COL5A2: variants seen among roughly 807,000 people sequenced by gnomAD.
COL5A2 encodes the protein collagen type V alpha 2 chain, also known as collagen alpha-2(V) chain.
Under a neutral mutation model 208.2 loss-of-function variants are expected in COL5A2, and 23 were observed. That is an observed-to-expected ratio of 0.11 (90% CI 0.08 to 0.16). The LOEUF (loss-of-function observed/expected upper bound fraction) is 0.16, where lower values mean the gene tolerates loss of function less well. Ranked by LOEUF, COL5A2 falls within the 10% of genes least tolerant of loss-of-function variation. COL5A2 has a pLI of 1.00. For missense variants in COL5A2, 1,590 were observed against 1,956.4 expected (o/e 0.81, Z 3.53); for synonymous variants, 625 against 628.5 (o/e 0.99, Z 0.08).
chr2:189,039,333 C>T lies in COL5A2; in HGVS notation c.3864G>A (p.Ser1288=), dbSNP rs754605516. ...CACACGTGCGGGCTGGGTGCTTTTTCGAGCCATCGGGGCTGCGCATGGTTT... is the reference window on the plus strand; with the variant it reads ...CACACGTGCGGGCTGGGTGCTTTTTTGAGCCATCGGGGCTGCGCATGGTTT... ...QIETMRSPDG[S]KKHPARTCDD... Residue 1288 remains serine, a synonymous_variant, in exon 51 of 54, where the codon TCG becomes TCA. Coordinates refer to ENST00000374866, the MANE Select transcript of COL5A2 (RefSeq NM_000393.5). The T allele has an allele frequency of 1.3e-5, 21 of 1,613,948 alleles. No homozygotes were observed. Among genetic ancestry groups the T allele is most frequent in the Admixed American group, 1.0e-4 (6 of 59,992 alleles).
chr2:189,160,358 A>G (rs1688335394), intron 1 of COL5A2, among the ~76,000 whole-genome samples: 1 of 152,216 alleles, frequency 6.6e-6, no homozygotes, highest in Non-Finnish European at 1.5e-5. Context: ...GCCAACTCAG[A>G]AAACCCTGAC....
chr2:189,066,101 T>G (rs1479602680), intron 23 of COL5A2, among the ~76,000 whole-genome samples: 1 of 152,238 alleles, frequency 6.6e-6, no homozygotes, highest in Admixed American at 6.5e-5. Context: ...AATAAACAAC[T>G]ATTTACTAGT....
the COL5A2 span, among the ~76,000 whole-genome samples, chr2:189,344,582 C>G: frequency 6.6e-6 from 1 of 152,148 alleles, no homozygotes; most frequent in Non-Finnish European, 1.5e-5. Flanking sequence ...CCAAGAATAT[C>G]TAAACTGAAA....
intron 1 of COL5A2, among the ~76,000 whole-genome samples, chr2:189,191,904 A>G (rs1559142321): frequency 2.6e-5 from 4 of 152,096 alleles, no homozygotes; most frequent in Non-Finnish European, 4.4e-5. Context: ...AAAAAAAAAA[A>G]AGCACTTCTA....
the COL5A2 span, among the ~76,000 whole-genome samples, chr2:189,375,287 G>A: frequency 3.3e-5 from 5 of 152,068 alleles, no homozygotes; most frequent in African/African-American, 9.7e-5. Context: ...AAACTGCTGG[G>A]ATTACAGGCA....
the COL5A2 span, among the ~76,000 whole-genome samples, chr2:189,403,823 A>G: frequency 6.6e-6 from 1 of 152,096 alleles, no homozygotes; most frequent in Non-Finnish European, 1.5e-5. Flanking sequence ...GTTTGCCAGT[A>G]TTTTGTTCAA....
At chr2:189,053,305 T>C in intron 38 of COL5A2, 119 bp downstream of exon 38, 1 of 917,910 alleles carries the variant, frequency 1.1e-6, no homozygotes, top group Non-Finnish European at 1.7e-6. Flanking sequence ...AATGAGAATA[T>C]TGTCTAGAAA....
the COL5A2 span, among the ~76,000 whole-genome samples, chr2:189,287,044 C>A: frequency 6.6e-6 from 1 of 152,064 alleles, no homozygotes; most frequent in Non-Finnish European, 1.5e-5. Flanking sequence ...ACTTTTGAGA[C>A]AACCTGCCCA....
At chr2:189,317,104 T>C in the COL5A2 span, among the ~76,000 whole-genome samples, 938 of 152,194 alleles carry the variant, frequency 6.2e-3, 3 homozygotes, top group Non-Finnish European at 9.3e-3. Context: ...GCCAAAGGTA[T>C]ATTATTTTTA....
chr2:189,424,460 C>T, the COL5A2 span, among the ~76,000 whole-genome samples: 4 of 151,966 alleles, frequency 2.6e-5, no homozygotes, highest in African/African-American at 9.7e-5. Context: ...ATTGTTATAA[C>T]TAATAAACAA....
intron 1 of COL5A2, among the ~76,000 whole-genome samples, chr2:189,168,746 G>A (rs1476799194): frequency 4.6e-5 from 7 of 152,118 alleles, no homozygotes; most frequent in South Asian, 2.1e-4. Context: ...GATGACCACA[G>A]AACAACCATA....
intron 1 of COL5A2, among the ~76,000 whole-genome samples, chr2:189,202,467 C>T (rs1689090821): frequency 6.6e-6 from 1 of 152,082 alleles, no homozygotes; most frequent in African/African-American, 2.4e-5. Context: ...CTAGAATAAC[C>T]TTGACTTAGT....
At chr2:189,145,649 T>A (rs1015650505) in intron 1 of COL5A2, among the ~76,000 whole-genome samples, 1 of 152,188 alleles carries the variant, frequency 6.6e-6, no homozygotes, top group South Asian at 2.1e-4. Flanking sequence ...AAGAAGATCT[T>A]ATTCAGAAGG....
In COL5A2 at chr2:189,080,991, C is replaced by A. The variant is rs545574407; in HGVS notation, c.905G>T (p.Arg302Leu). ...APGLPGLKGH[R>L]GHKGLEGPKG... The stretch of plus-strand genomic sequence containing the variant: ...AGGATTACAATAGATTGAACTTACT[C>A]GGTGACCCTTCAGACCTGGAAGACC... The change falls in exon 13 of 54, where the codon CGA (arginine) becomes CTA (leucine). Residue 302 changes from arginine to leucine, a missense_variant and splice_region_variant. Arg to Leu is a moderately radical substitution (Grantham distance 102, BLOSUM62 -2). Coordinates refer to ENST00000374866, the MANE Select transcript of COL5A2 (RefSeq NM_000393.5). 5.6e-6 allele frequency: 9 copies of A among 1,612,828 alleles called. No individual in the cohort carries two copies. Among genetic ancestry groups the A allele is most frequent in the Non-Finnish European group, 6.8e-6 (8 of 1,179,098 alleles).
intron 1 of COL5A2, among the ~76,000 whole-genome samples, chr2:189,170,079 G>T (rs2105816523): frequency 6.6e-6 from 1 of 152,264 alleles, no homozygotes; most frequent in East Asian, 1.9e-4. Flanking sequence ...CCTATTATTA[G>T]TTGGGAGTCA....
chr2:189,150,204 C>G (rs929471921), intron 1 of COL5A2, among the ~76,000 whole-genome samples: 6 of 152,130 alleles, frequency 3.9e-5, no homozygotes, highest in Non-Finnish European at 7.4e-5. Context: ...TGAAAGCAAG[C>G]AATTGTGCAA....
the COL5A2 span, among the ~76,000 whole-genome samples, chr2:189,269,050 A>G: frequency 6.6e-6 from 1 of 152,288 alleles, no homozygotes; most frequent in African/African-American, 2.4e-5. Context: ...ACCATTACCA[A>G]TTCCAGTACT....
chr2:189,143,947 G>GAACT lies in COL5A2; in HGVS notation c.98-33502_98-33499dup, dbSNP rs1196715432. ...TAGCTGCAGAACTGGAATTCTTAAA[G>GAACT]AACTAGACATGGTAATGAAGATTAA... is the stretch of plus-strand genomic sequence containing the variant. On this transcript the variant is annotated intron_variant, in intron 1 of 53. Transcript: ENST00000374866. Among the ~76,000 whole-genome samples, 3 of 152,032 alleles carry GAACT rather than the reference G, an allele frequency of 2.0e-5. No homozygotes were observed. In the East Asian group the frequency reaches 5.8e-4, roughly 29 times the overall value.
intron 29 of COL5A2, 91 bp from the exon 30 acceptor site, chr2:189,061,706 T>C: frequency 4.2e-6 from 4 of 952,318 alleles, no homozygotes; most frequent in South Asian, 2.7e-5. Context: ...TGATATTTAT[T>C]TGTATTTCTT....
Sources: allele counts gnomAD v4.1 joint callset (sites outside exome capture counted in the v4.1 genomes callset), GRCh38; gene constraint gnomAD v4.1.1; transcripts MANE v1.5; gene names NCBI Gene and HGNC (gene_info 2026-07-23, HGNC 2026-07-21).